Variants in SHC2 observed in about 807,000 individuals in gnomAD.
SHC2 encodes the protein SHC-transforming protein 2.
In SHC2, 62 loss-of-function variants were observed where a neutral mutation model predicts 60.6. That is an observed-to-expected ratio of 1.02 (90% CI 0.83 to 1.26). The LOEUF is 1.26. Among genes scored for constraint, SHC2 ranks in the 50% most tolerant of loss-of-function variants. The pLI is 0.00. For synonymous variants in SHC2, 375 were observed against 372.4 expected, an observed-to-expected ratio of 1.01 and a Z score of -0.08; for missense variants, 873 against 822.2, an observed-to-expected ratio of 1.06 and a Z score of -0.76.
intron 1 of SHC2, among the ~76,000 whole-genome samples, chr19:442,531 ATGGATGGGTGGGTGGGTGGATGGGTGGG>A (rs1974904907): frequency 2.7e-5 from 1 of 37,210 alleles, no homozygotes. Flanking sequence ...GGGTGGGTGG[ATGGATGGGTGGGTGGGTGGATGGGTGGG>A]TGGGTGGACG....
At chr19:420,453 C>T (rs1022868036) in intron 11 of SHC2, among the ~76,000 whole-genome samples, 1 of 152,224 alleles carries the variant, frequency 6.6e-6, no homozygotes, top group African/African-American at 2.4e-5. Flanking sequence ...TCTAGCACCT[C>T]CTCACCTGGG....
intron 1 of SHC2, among the ~76,000 whole-genome samples, chr19:450,845 T>C (rs1186343770): frequency 1.3e-5 from 2 of 150,704 alleles, no homozygotes; most frequent in African/African-American, 4.9e-5. Context: ...GGCCACGCCA[T>C]GGCTGTGCCG....
At chr19:442,475 G>GTGGA (rs1974898301) in intron 1 of SHC2, among the ~76,000 whole-genome samples, 1 of 108,018 alleles carries the variant, frequency 9.3e-6, no homozygotes, top group Non-Finnish European at 1.8e-5. Context: ...GGGTGGATGG[G>GTGGA]TGGGTGGATG....
intron 9 of SHC2, among the ~76,000 whole-genome samples, chr19:429,575 G>A (rs548803139): frequency 6.7e-6 from 1 of 148,648 alleles, no homozygotes; most frequent in South Asian, 2.1e-4. Context: ...ACACCGTGTG[G>A]ATGACGCAGT....
At chr19:444,524 G>A (rs1014213634) in intron 1 of SHC2, among the ~76,000 whole-genome samples, 26 of 152,128 alleles carry the variant, frequency 1.7e-4, no homozygotes, top group Non-Finnish European at 2.9e-4. Context: ...CCTAGTGCAC[G>A]GGGGAGGTGG....
intron 1 of SHC2, among the ~76,000 whole-genome samples, chr19:456,644 C>T (rs1352478836): frequency 6.6e-6 from 1 of 152,220 alleles, no homozygotes; most frequent in Non-Finnish European, 1.5e-5. Context: ...TCATGGCTCT[C>T]CTTGCCGTGA....
chr19:430,606 A>T, intron 9 of SHC2, 78 bp downstream of exon 9: 1 of 1,130,964 alleles, frequency 8.8e-7, no homozygotes. Context: ...AGAAAGACTG[A>T]GGGGGAGCCA....
intron 1 of SHC2, among the ~76,000 whole-genome samples, chr19:455,581 C>T (rs1303700516): frequency 1.3e-5 from 2 of 152,242 alleles, no homozygotes; most frequent in Non-Finnish European, 2.9e-5. Context: ...GGGGGTTCTG[C>T]GATGCCGGCT....
chr19:423,772 C>T (rs1026865269), intron 10 of SHC2, among the ~76,000 whole-genome samples: 11 of 152,208 alleles, frequency 7.2e-5, no homozygotes, highest in Non-Finnish European at 1.6e-4. Context: ...GGTTTGGGGA[C>T]GAGCACGTGG....
chr19:453,558 A>C lies in SHC2; in HGVS notation c.468+6971T>G, dbSNP rs1418206536. Among the ~76,000 whole-genome samples, 1 of 152,134 alleles carries C rather than the reference A, an allele frequency of 6.6e-6. No individual in the cohort carries two copies. Among genetic ancestry groups the C allele is most frequent in the African/African-American group, 2.4e-5 (1 of 41,418 alleles). On this transcript the variant is annotated intron_variant, in intron 1 of 12. Transcript: ENST00000264554. This position sits in a 1 kb window ranked among gnomAD's most constrained non-coding sequence, Gnocchi z 6.3. Reference sequence around the variant, plus strand: ...AAATGCTGGATTACAGGCGTGAGCCACCACGCCCGGCCAGAACCCAGATCT... The same window carrying C: ...AAATGCTGGATTACAGGCGTGAGCCCCCACGCCCGGCCAGAACCCAGATCT...
At chr19:443,951 TGGGTGGATGGA>T (rs1241945996) in intron 1 of SHC2, among the ~76,000 whole-genome samples, 2 of 104,092 alleles carry the variant, frequency 1.9e-5, no homozygotes, top group East Asian at 2.9e-4. Context: ...AATGGATGGG[TGGGTGGATGGA>T]GGGTGGATGG....
intron 8 of SHC2, among the ~76,000 whole-genome samples, chr19:431,077 T>C (rs1217815479): frequency 6.6e-6 from 1 of 151,070 alleles, no homozygotes; most frequent in Non-Finnish European, 1.5e-5. Flanking sequence ...TCTACCCAAA[T>C]GCCGCTTCCT....
chr19:442,492 TGGATGGATGGAC>T (rs1974899982), intron 1 of SHC2, among the ~76,000 whole-genome samples: 1 of 94,716 alleles, frequency 1.1e-5, no homozygotes, highest in Non-Finnish European at 2.1e-5. Context: ...GATGGGTGGA[TGGATGGATGGAC>T]GGATGGATGG....
intron 1 of SHC2, among the ~76,000 whole-genome samples, chr19:444,051 GGAT>G (rs1337737483): frequency 2.0e-5 from 3 of 150,474 alleles, no homozygotes; most frequent in African/African-American, 7.3e-5. Context: ...ATGGACGGAT[GGAT>G]GGATGGGTGG....
At chr19:437,241 C>T (rs143930519) in intron 4 of SHC2, among the ~76,000 whole-genome samples, 3 of 151,334 alleles carry the variant, frequency 2.0e-5, no homozygotes, top group Admixed American at 1.3e-4. Flanking sequence ...TTTGCGAGCT[C>T]ATCTGCGTGC....
In SHC2 at chr19:425,474, G is replaced by A. The variant is rs1974392872; in HGVS notation, c.1175-243C>T. On this transcript the variant is annotated intron_variant, in intron 9 of 12. Transcript: ENST00000264554. The surrounding 1 kb of genome is among the most constrained non-coding windows in gnomAD (Gnocchi z 4.1). ...ACAAGAGTGGGGCAGCGTGCGGCTG[G>A]GGCTGTGGGCACCAGACGTCCACGC... Among the ~76,000 whole-genome samples, 1 of 152,186 alleles carries A rather than the reference G, an allele frequency of 6.6e-6. No homozygotes were observed. The highest frequency in any genetic ancestry group is 1.5e-5 in the Non-Finnish European group (1 of 68,030).
chr19:424,728 C>T lies in SHC2; in HGVS notation c.1309+369G>A, dbSNP rs944767214. ...CGAGAGAGTGGAGCTTCTCACAGAG[C>T]GGGGGCCAGCGGCATTCCCAACCAG... On this transcript the variant is annotated intron_variant, in intron 10 of 12. Transcript: ENST00000264554. The surrounding 1 kb of genome is among the most constrained non-coding windows in gnomAD (Gnocchi z 4.5). Among the ~76,000 whole-genome samples the T allele has an allele frequency of 6.6e-6, 1 of 152,136 alleles. No homozygotes were observed. Among genetic ancestry groups the T allele is most frequent in the Non-Finnish European group, 1.5e-5 (1 of 68,010 alleles).
chr19:448,153 C>A (rs1309693744), intron 1 of SHC2, among the ~76,000 whole-genome samples: 2 of 152,244 alleles, frequency 1.3e-5, no homozygotes, highest in African/African-American at 2.4e-5. Context: ...CCCCGCAGAT[C>A]TTCCTCATTA....
At chr19:452,988 TCA>T (rs1366488199) in intron 1 of SHC2, 1 of 152,156 alleles carries the variant, frequency 6.6e-6, no homozygotes, top group Non-Finnish European at 1.5e-5. Flanking sequence ...CCGGAGTCTC[TCA>T]CAAAGAGCTC....
Sources: gnomAD v4.1 joint callset for allele counts (sites outside exome capture counted in the v4.1 genomes callset) on GRCh38, gnomAD v4.1.1 for gene constraint, Gnocchi (gnomAD v3.1) non-coding constraint, MANE v1.5 for transcripts, NCBI Gene and HGNC (gene_info 2026-07-23, HGNC 2026-07-21) for gene names.